ANKRD18B: variants seen among roughly 807,000 people sequenced by gnomAD.
ANKRD18B encodes the protein ankyrin repeat domain 18B, also known as ankyrin repeat domain-containing protein 18B.
A neutral mutation model predicts 111.8 loss-of-function variants in ANKRD18B; 75 were observed. The observed-to-expected ratio is 0.67, with a 90% confidence interval of 0.56 to 0.81. The LOEUF (loss-of-function observed/expected upper bound fraction) is 0.81, where lower values mean the gene tolerates loss of function less well. ANKRD18B is among the 40% of genes least tolerant of loss of function. ANKRD18B has a pLI of 0.00. For missense variants in ANKRD18B, 1,038 were observed against 1,225.5 expected, an observed-to-expected ratio of 0.85 and a Z score of 2.28; for synonymous variants, 356 against 417.3, an observed-to-expected ratio of 0.85 and a Z score of 1.79.
intron 10 of ANKRD18B, among the ~76,000 whole-genome samples, chr9:33,547,323 G>A (rs1828371484): frequency 6.6e-6 from 1 of 152,094 alleles, no homozygotes; most frequent in Non-Finnish European, 1.5e-5. Context: ...TTTAAGGATT[G>A]TGATAACTAA....
chr9:33,568,238 G>A (rs1201916081), intron 16 of ANKRD18B, among the ~76,000 whole-genome samples: 1 of 152,192 alleles, frequency 6.6e-6, no homozygotes, highest in African/African-American at 2.4e-5. Context: ...AGTACAACAT[G>A]ATGTTTTCAT....
chr9:33,553,030 C>T (rs1362390576), intron 12 of ANKRD18B, among the ~76,000 whole-genome samples: 2 of 151,474 alleles, frequency 1.3e-5, no homozygotes, highest in East Asian at 1.9e-4. Flanking sequence ...AGACCCAGCC[C>T]TTCTGGCTTC....
At chr9:33,525,350 T>A (rs1828011861) in intron 1 of ANKRD18B, among the ~76,000 whole-genome samples, 1 of 152,072 alleles carries the variant, frequency 6.6e-6, no homozygotes, top group Non-Finnish European at 1.5e-5. Context: ...CACATATAAA[T>A]AAATGGAACA....
intron 3 of ANKRD18B, among the ~76,000 whole-genome samples, chr9:33,532,151 A>G (rs1587257882): frequency 6.6e-6 from 1 of 152,034 alleles, no homozygotes; most frequent in Admixed American, 6.6e-5. Context: ...GGAGAATGGC[A>G]TGAACTCGGG....
At position 33,571,176 on chromosome 9, in the gene ANKRD18B, T is replaced by A. The variant is rs552889816; in HGVS notation, c.3178-70T>A. 3.2e-5 allele frequency: 20 copies of A among 626,232 alleles called. No individual in the cohort carries two copies. The East Asian group carries it at 2.1e-3, about 64-fold the overall frequency. 38.8% of individuals were successfully genotyped at this position (626,232 alleles called of 1,614,324 possible). On this transcript the variant is annotated intron_variant, in intron 17 of 18. Coordinates refer to ENST00000684830, the MANE Select transcript of ANKRD18B (RefSeq NM_001393611.1). ...TAAAGGCCACATTTTGTAAGTAATA[T>A]GTTAATCTCATGATAATGTCTCTTG...
intron 16 of ANKRD18B, 77 bp from the exon 17 acceptor site, chr9:33,568,594 G>A: frequency 2.2e-6 from 3 of 1,352,512 alleles, no homozygotes; most frequent in Non-Finnish European, 2.9e-6. Context: ...CAGGGCAACT[G>A]TTTAAAAAAT....
At chr9:33,530,527 CAAAAA>C (rs34371607) in intron 3 of ANKRD18B, among the ~76,000 whole-genome samples, 4 of 82,988 alleles carry the variant, frequency 4.8e-5, no homozygotes, top group Non-Finnish European at 4.5e-5. Flanking sequence ...ACAACAAGAG[CAAAAA>C]AAAAAAAAAA....
At chr9:33,538,284 G>A (rs1828228732) in intron 6 of ANKRD18B, among the ~76,000 whole-genome samples, 1 of 152,164 alleles carries the variant, frequency 6.6e-6, no homozygotes, top group Admixed American at 6.5e-5. Context: ...CTTTCCAAGA[G>A]GCAGAAGTTA....
At position 33,534,902 on chromosome 9, in the gene ANKRD18B, G is replaced by C. The variant is rs192491960; in HGVS notation, c.740+395G>C. Among the ~76,000 whole-genome samples the C allele has an allele frequency of 4.8e-3, 644 of 134,694 alleles. 3 individuals are homozygous for C. Among genetic ancestry groups the C allele is most frequent in the Non-Finnish European group, 7.8e-3 (509 of 65,112 alleles). The allele number at this position is 134,694 out of a possible 152,430, so 88.4% of individuals were successfully genotyped here. A position where few individuals can be genotyped will look rare whatever the true frequency, so the allele number is the denominator to read the frequency against. On this transcript the variant is annotated intron_variant, in intron 5 of 18. Transcript: ENST00000684830. Reference sequence around the variant, plus strand: ...TGAGTTCAAGTGATTCTCCTGCCTTGGCCTCGCAAACTGCTAGCCACCATG... The same window carrying C: ...TGAGTTCAAGTGATTCTCCTGCCTTCGCCTCGCAAACTGCTAGCCACCATG...
At chr9:33,540,800 G>A (rs912154560) in intron 8 of ANKRD18B, among the ~76,000 whole-genome samples, 12 of 152,218 alleles carry the variant, frequency 7.9e-5, no homozygotes, top group South Asian at 4.1e-4. Flanking sequence ...TGTGAAAGCC[G>A]TCATAGGTAG....
rs1828556778 is a variant in ANKRD18B at position 33,558,291 on chromosome 9, T to C, written c.2460+104T>C. On this transcript the variant is annotated intron_variant, in intron 14 of 18. Coordinates refer to ENST00000684830, the MANE Select transcript of ANKRD18B (RefSeq NM_001393611.1). Reference sequence around the variant, plus strand: ...GTGTGCCATGATGGTTTGCTGCACGTATCAATCCATCACCTAGGTATTAAG... The same window carrying C: ...GTGTGCCATGATGGTTTGCTGCACGCATCAATCCATCACCTAGGTATTAAG... The C allele has an allele frequency of 2.3e-6, 3 of 1,288,798 alleles. No individual in the cohort carries two copies. In the East Asian group the frequency reaches 7.8e-5, roughly 34 times the overall value. 79.8% of individuals were successfully genotyped at this position (1,288,798 alleles called of 1,614,324 possible).
At chr9:33,556,116 A>G (rs111774876) in intron 13 of ANKRD18B, among the ~76,000 whole-genome samples, 64 of 152,258 alleles carry the variant, frequency 4.2e-4, no homozygotes, top group African/African-American at 1.5e-3. Flanking sequence ...ATAGAGTCCA[A>G]TGGAAGGGGA....
rs142538183 is a variant in ANKRD18B, at chr9:33,558,115, C to T, written c.2388C>T (p.Asp796=). 2 of 1,612,080 alleles carry T rather than the reference C, an allele frequency of 1.2e-6. No homozygotes were observed. The highest frequency in any genetic ancestry group is 1.7e-6 in the Non-Finnish European group (2 of 1,179,126). The change falls in exon 14 of 19, where the codon GAC becomes GAT. Residue 796 remains aspartate (D), a synonymous_variant. Coordinates refer to ENST00000684830, the MANE Select transcript of ANKRD18B (RefSeq NM_001393611.1). ...TGTTAAATGCATTTGCAAATGAAGA[C>T]TTCAGTTGCCATGGAGACTTAAATA... The part of the protein sequence containing the change: ...INMLNAFANE[D]FSCHGDLNTD...
Position 33,559,451 on chromosome 9 carries a change from G to A in ANKRD18B, c.2460+1264G>A, listed in dbSNP as rs190234093. Among the ~76,000 whole-genome samples the A allele has an allele frequency of 3.4e-3, 522 of 152,196 alleles. 4 individuals carry two copies. The highest frequency in any genetic ancestry group is 0.012 in the African/African-American group (489 of 41,516). On this transcript the variant is annotated intron_variant, in intron 14 of 18. Transcript: ENST00000684830. ...GTGATGCTGTACCAGAATCAGGTTAGAAAGTAAACCACATTATAAGAGTTA... is the reference window on the plus strand; with the variant it reads ...GTGATGCTGTACCAGAATCAGGTTAAAAAGTAAACCACATTATAAGAGTTA...
rs746045851 is a variant in ANKRD18B at position 33,529,112 on chromosome 9, A to T, written c.434A>T (p.Glu145Val). ...GCTCTCCATTATGCCGTGTATAATG[A>T]GGGGACTTCACTGGCAGAAAGACTG... The part of the protein sequence containing the change: ...NTALHYAVYN[E>V]GTSLAERLLS... Residue 145 changes from glutamate (E) to valine (V), a missense_variant, in exon 3 of 19, where the codon GAG (glutamate) becomes GTG (valine). Glu to Val is a moderately radical substitution (Grantham distance 121, BLOSUM62 -2). This residue lies in a region of ANKRD18B where 216 missense variants were observed against 205.1 expected (regional missense o/e 1.05). Coordinates refer to ENST00000684830, the MANE Select transcript of ANKRD18B (RefSeq NM_001393611.1). 1.9e-6 allele frequency: 3 copies of T among 1,611,986 alleles called. No individual in the cohort carries two copies. The highest frequency in any genetic ancestry group is 2.5e-6 in the Non-Finnish European group (3 of 1,179,838).
chr9:33,528,695 A>G, intron 1 of ANKRD18B, 32 bp from the exon 2 acceptor site: 1 of 1,529,166 alleles, frequency 6.5e-7, no homozygotes, highest in Non-Finnish European at 8.9e-7. Flanking sequence ...ATATTGCACT[A>G]CATTTCCTGA....
intron 14 of ANKRD18B, among the ~76,000 whole-genome samples, chr9:33,560,658 C>T (rs879584843): frequency 6.6e-6 from 1 of 152,104 alleles, no homozygotes; most frequent in Non-Finnish European, 1.5e-5. Flanking sequence ...CTTTTTGACT[C>T]TTATTAATAA....
In ANKRD18B at chr9:33,571,830, T is replaced by C. The variant is rs1828784021; in HGVS notation, c.3224-486T>C. On this transcript the variant is annotated intron_variant, in intron 18 of 18. Coordinates refer to ENST00000684830, the MANE Select transcript of ANKRD18B (RefSeq NM_001393611.1). ...TCTTTGCCTTCGCCTCTTCCCTCTT[T>C]CTGGCAAGATTTTCCTCATCCTTCA... 4 of 156,098 alleles carry C rather than the reference T, an allele frequency of 2.6e-5. No homozygotes were observed. The South Asian group carries it at 6.0e-4, about 23-fold the overall frequency. The allele number at this position is 156,098 out of a possible 1,614,324, so 9.7% of individuals were successfully genotyped here. A position where few individuals can be genotyped will look rare whatever the true frequency, so the allele number is the denominator to read the frequency against.
intron 10 of ANKRD18B, among the ~76,000 whole-genome samples, chr9:33,543,603 C>A (rs545875028): frequency 3.9e-5 from 6 of 152,238 alleles, no homozygotes; most frequent in Non-Finnish European, 8.8e-5. Flanking sequence ...GTGATGGCCA[C>A]TGAGTTCACC....
Sources: allele counts gnomAD v4.1 joint callset (sites outside exome capture counted in the v4.1 genomes callset), GRCh38; gene constraint gnomAD v4.1.1; regional missense constraint gnomAD v4.1.1; transcripts MANE v1.5; gene names NCBI Gene and HGNC (gene_info 2026-07-23, HGNC 2026-07-21).